Variants in CSMD3 observed in about 807,000 individuals in gnomAD.
CSMD3 encodes the protein CUB and Sushi multiple domains 3, also known as CUB and sushi domain-containing protein 3.
Under a neutral mutation model 435.2 loss-of-function variants are expected in CSMD3, and 177 were observed. That is an observed-to-expected ratio of 0.41 (90% CI 0.36 to 0.46). CSMD3 has a LOEUF of 0.46. Ranked by LOEUF, CSMD3 falls within the 20% of genes least tolerant of loss-of-function variation. CSMD3 has a pLI of 0.34. For missense variants in CSMD3, 4,265 were observed against 4,504.6 expected (o/e 0.95, Z 1.52); for synonymous variants, 1,656 against 1,520.5 (o/e 1.09, Z -2.07).
intron 23 of CSMD3, among the ~76,000 whole-genome samples, chr8:112,582,451 T>C (rs180775871): frequency 1.2e-4 from 18 of 151,808 alleles, no homozygotes; most frequent in African/African-American, 3.1e-4. Context: ...CTTGGTATAT[T>C]TGAGATACTG....
intron 30 of CSMD3, among the ~76,000 whole-genome samples, chr8:112,495,348 G>A (rs976928681): frequency 1.3e-5 from 2 of 152,130 alleles, no homozygotes; most frequent in African/African-American, 2.4e-5. Context: ...CTTTTGAAAA[G>A]TTTGCTTTCT....
At chr8:112,324,271 A>G (rs948508816) in intron 45 of CSMD3, among the ~76,000 whole-genome samples, 16 of 152,016 alleles carry the variant, frequency 1.1e-4, no homozygotes, top group Non-Finnish European at 1.6e-4. Context: ...AGAAATTGGC[A>G]CCATAATATT....
At chr8:112,423,715 T>C (rs752785706) in intron 32 of CSMD3, among the ~76,000 whole-genome samples, 14 of 152,190 alleles carry the variant, frequency 9.2e-5, no homozygotes, top group Non-Finnish European at 1.6e-4. Context: ...ATCATTTAGG[T>C]ATACTAATAT....
chr8:112,272,287 T>C (rs1817596683), intron 59 of CSMD3, among the ~76,000 whole-genome samples: 1 of 152,220 alleles, frequency 6.6e-6, no homozygotes, highest in South Asian at 2.1e-4. Flanking sequence ...GTTTGGAAAG[T>C]TCAGCTACTT....
At chr8:113,219,186 C>T (rs570652866) in intron 3 of CSMD3, among the ~76,000 whole-genome samples, 1 of 151,340 alleles carries the variant, frequency 6.6e-6, no homozygotes, top group Non-Finnish European at 1.5e-5. Flanking sequence ...GCATGGGTAT[C>T]TACCATTTTT....
chr8:112,700,328 C>A (rs1459257153), intron 13 of CSMD3, among the ~76,000 whole-genome samples: 2 of 151,688 alleles, frequency 1.3e-5, no homozygotes, highest in African/African-American at 4.8e-5. Context: ...TGGAGAAACC[C>A]CGTCTCTTCT....
chr8:113,417,866 C>T (rs535170114), intron 1 of CSMD3, among the ~76,000 whole-genome samples: 118 of 151,674 alleles, frequency 7.8e-4, no homozygotes, highest in African/African-American at 2.6e-3. Context: ...CATGGGAGAA[C>T]TAGAACTCAA....
At chr8:112,371,701 T>G (rs1334186654) in intron 38 of CSMD3, among the ~76,000 whole-genome samples, 3 of 151,890 alleles carry the variant, frequency 2.0e-5, no homozygotes, top group Non-Finnish European at 4.4e-5. Context: ...CAGCCTGACC[T>G]ACATGGTGAA....
Position 112,314,601 on chromosome 8 carries a change from A to G in CSMD3, c.7377T>C (p.Asn2459=). 3 of 1,612,248 alleles carry G rather than the reference A, an allele frequency of 1.9e-6. 1 individual carries two copies. The highest frequency in any genetic ancestry group is 2.5e-6 in the Non-Finnish European group (3 of 1,178,510). The stretch of plus-strand genomic sequence containing the variant: ...CTCCAGTAGAATCTAGCCGTAATTC[A>G]TTGGCAGGACAGAGCACTGTCAAAG... ...PPVCQVLCPA[N]ELRLDSTGVI... Residue 2459 remains asparagine, a synonymous_variant, in exon 48 of 71, where the codon AAT becomes AAC. Transcript: ENST00000297405.
At chr8:113,182,783 G>A (rs761106492) in intron 3 of CSMD3, among the ~76,000 whole-genome samples, 1 of 152,026 alleles carries the variant, frequency 6.6e-6, no homozygotes, top group Admixed American at 6.6e-5. Flanking sequence ...TTGAATTAGA[G>A]GCTACTGAGT....
chr8:112,972,793 T>C (rs2084705272), intron 7 of CSMD3, among the ~76,000 whole-genome samples: 1 of 151,938 alleles, frequency 6.6e-6, no homozygotes, highest in Admixed American at 6.6e-5. Context: ...AAATGCAGCA[T>C]GAATAAAACC....
chr8:112,583,596 A>C (rs1281098087), intron 23 of CSMD3, among the ~76,000 whole-genome samples: 1 of 152,004 alleles, frequency 6.6e-6, no homozygotes, highest in Non-Finnish European at 1.5e-5. Context: ...TAAGTAGCAC[A>C]CAAGAAAATT....
chr8:112,608,649 A>ATG (rs1375209165), intron 22 of CSMD3, among the ~76,000 whole-genome samples: 1 of 151,970 alleles, frequency 6.6e-6, no homozygotes, highest in Non-Finnish European at 1.5e-5. Flanking sequence ...ATATATGTAT[A>ATG]TGTGTGTGTA....
intron 4 of CSMD3, among the ~76,000 whole-genome samples, chr8:113,119,910 TTGTCC>T (rs1199820625): frequency 6.6e-6 from 1 of 151,980 alleles, no homozygotes; most frequent in Non-Finnish European, 1.5e-5. Context: ...TTTTGTATTA[TTGTCC>T]TGGATTTTTC....
At chr8:112,358,414 A>C (rs184304350) in intron 38 of CSMD3, among the ~76,000 whole-genome samples, 2 of 152,222 alleles carry the variant, frequency 1.3e-5, no homozygotes, top group African/African-American at 4.8e-5. Context: ...TGAAATGTGA[A>C]GATGTGGGAT....
At chr8:112,759,465 A>G (rs2077780808) in intron 13 of CSMD3, among the ~76,000 whole-genome samples, 1 of 152,146 alleles carries the variant, frequency 6.6e-6, no homozygotes, top group Admixed American at 6.5e-5. Flanking sequence ...AGACTGATAA[A>G]GAAATCGTCT....
chr8:113,194,551 AATG>A (rs2092629027), intron 3 of CSMD3, among the ~76,000 whole-genome samples: 1 of 151,298 alleles, frequency 6.6e-6, no homozygotes, highest in Non-Finnish European at 1.5e-5. Flanking sequence ...ATAGGCTTTG[AATG>A]ATAATGATTT....
intron 13 of CSMD3, 60 bp downstream of exon 13, chr8:112,800,102 T>C (rs1467966531): frequency 5.2e-6 from 6 of 1,155,096 alleles, no homozygotes; most frequent in Non-Finnish European, 6.6e-6. Context: ...TAAACGTGAA[T>C]TTAAAAATAT....
chr8:112,800,080 T>C, intron 13 of CSMD3, 82 bp downstream of exon 13: 4 of 925,292 alleles, frequency 4.3e-6, no homozygotes, highest in Non-Finnish European at 7.1e-6. Flanking sequence ...CTTTTAATTT[T>C]GTAGATGCAA....
Sources: allele counts gnomAD v4.1 joint callset (sites outside exome capture counted in the v4.1 genomes callset), GRCh38; gene constraint gnomAD v4.1.1; transcripts MANE v1.5; gene names NCBI Gene and HGNC (gene_info 2026-07-23, HGNC 2026-07-21).